Variants in BCL9L observed in about 807,000 individuals in gnomAD.
BCL9L encodes BCL9 like, also known as B-cell CLL/lymphoma 9-like protein.
BCL9L carries 19 observed loss-of-function variants against 99.4 expected under a neutral mutation model. That is an observed-to-expected ratio of 0.19 (90% CI 0.13 to 0.28). The LOEUF (loss-of-function observed/expected upper bound fraction) is 0.28, where lower values mean the gene tolerates loss of function less well. Among genes scored for constraint, BCL9L ranks in the 10% least tolerant of loss-of-function variants. The pLI is 1.00. For synonymous variants in BCL9L, 900 were observed against 854.8 expected (o/e 1.05, Z -0.92); for missense variants, 2,023 against 2,101.6 (o/e 0.96, Z 0.73).
chr11:118,899,358 G>A lies in BCL9L; in HGVS notation c.3557C>T (p.Pro1186Leu). 1 of 1,582,788 alleles carries A rather than the reference G, an allele frequency of 6.3e-7. No individual in the cohort carries two copies. The highest frequency in any genetic ancestry group is 8.6e-7 in the Non-Finnish European group (1 of 1,165,164). Residue 1186 changes from proline to leucine, a missense_variant, in exon 10 of 10, where the codon CCA becomes CTA. Physicochemically the swap from Pro to Leu is moderately conservative, Grantham distance 98. Around this residue, in one of 3 missense-constraint regions of BCL9L, gnomAD observed 902 missense variants for 888.2 expected, o/e 1.02. Coordinates refer to ENST00000683865, the MANE Select transcript of BCL9L (RefSeq NM_001378213.1). ...TGTCCCCTGTGCGTTGGGATGCAGT[G>A]GAATGTTGGAGCCCAGAGGGGTGGG... ...PSPTPLGSNI[P>L]LHPNAQGTGG...
At chr11:118,917,403 G>A (rs1480676406) in intron 2 of BCL9L, among the ~76,000 whole-genome samples, 1 of 152,204 alleles carries the variant, frequency 6.6e-6, no homozygotes, top group Admixed American at 6.5e-5. Flanking sequence ...AATCTGGTAA[G>A]AAAGTATTCT....
chr11:118,899,886 G>A (rs1290354743), intron 9 of BCL9L, 31 bp downstream of exon 9: 3 of 1,597,458 alleles, frequency 1.9e-6, no homozygotes, highest in Admixed American at 1.7e-5. Flanking sequence ...ACACCAGCTG[G>A]CCTCCCTGGG....
At position 118,896,205 on chromosome 11, in the gene BCL9L, A is replaced by G. The variant is rs1939912728; in HGVS notation, c.*2210T>C. On this transcript the variant is annotated 3_prime_UTR_variant, in exon 10 of 10. Coordinates refer to ENST00000683865, the MANE Select transcript of BCL9L (RefSeq NM_001378213.1). Reference sequence around the variant, plus strand: ...GGTCAATACAGTACAGGCAGCACAGAGACCCCCGGAACAAGCCTAAAAATT... The same window carrying G: ...GGTCAATACAGTACAGGCAGCACAGGGACCCCCGGAACAAGCCTAAAAATT... 1.2e-5 allele frequency: 2 copies of G among 166,968 alleles called. No individual in the cohort carries two copies. Among genetic ancestry groups the G allele is most frequent in the South Asian group, 4.1e-4 (2 of 4,838 alleles). The allele number at this position is 166,968 out of a possible 1,614,324, so 10.3% of individuals were successfully genotyped here.
chr11:118,902,214 T>C lies in BCL9L; in HGVS notation c.1529A>G (p.Gln510Arg), dbSNP rs1940281685. The C allele has an allele frequency of 6.2e-7, 1 of 1,613,652 alleles. No homozygotes were observed. Among genetic ancestry groups the C allele is most frequent in the African/African-American group, 1.3e-5 (1 of 74,950 alleles). Reference sequence around the variant, plus strand: ...CACCTGCTCAGGCGTGAGGCTGTCCTGGCCCAGCCTCTGTATCATCATGTT... The same window carrying C: ...CACCTGCTCAGGCGTGAGGCTGTCCCGGCCCAGCCTCTGTATCATCATGTT... ...QMNMMIQRLG[Q>R]DSLTPEQVAW... Residue 510 changes from glutamine (Q) to arginine (R), a missense_variant, in exon 8 of 10, where the codon CAG becomes CGG. By Grantham distance (43) the Gln-to-Arg change is conservative. This residue lies in a region of BCL9L where 1,116 missense variants were observed against 1,194.6 expected (regional missense o/e 0.93). Transcript: ENST00000683865. The surrounding 1 kb of genome is among the most constrained non-coding windows in gnomAD (Gnocchi z 7.8).
Position 118,903,889 on chromosome 11 carries a change from GCA to G in BCL9L, c.533-439_533-438del, listed in dbSNP as rs1437173039. On this transcript the variant is annotated intron_variant, in intron 5 of 9. Transcript: ENST00000683865. The surrounding 1 kb of genome is among the most constrained non-coding windows in gnomAD (Gnocchi z 5.6). ...CCCCTCTCACTGGGTAAGTGTATGT[GCA>G]CACAGTCTAGTGACCCAGTTAGGGA... 2.6e-5 allele frequency among the ~76,000 whole-genome samples: 4 copies of G among 152,182 alleles called. No homozygotes were observed. The highest frequency in any genetic ancestry group is 9.7e-5 in the African/African-American group (4 of 41,424).
chr11:118,920,878 C>A (rs985580743), intron 1 of BCL9L, among the ~76,000 whole-genome samples: 5 of 152,182 alleles, frequency 3.3e-5, no homozygotes, highest in Non-Finnish European at 7.3e-5. Flanking sequence ...CAGAGGACTG[C>A]ATGTCCCAGG....
At position 118,898,685 on chromosome 11, in the gene BCL9L, C is replaced by A. The variant is rs760136955; in HGVS notation, c.4230G>T (p.Gly1410=). 1.9e-6 allele frequency: 3 copies of A among 1,610,964 alleles called. No individual in the cohort carries two copies. The African/African-American group carries it at 4.0e-5, about 22-fold the overall frequency. The stretch of plus-strand genomic sequence containing the variant: ...CCTGGTGCAGGCCATGGGGCACCAT[C>A]CCCTGCTGTGGGGGCACGCCTGTCC... ...LGRTGVPPQQ[G]MVPHGLHQGV... Residue 1410 remains glycine, a synonymous_variant, in exon 10 of 10, where the codon GGG becomes GGT. Transcript: ENST00000683865.
chr11:118,899,908 TC>T lies in BCL9L; in HGVS notation c.3406+8del. 6.2e-7 allele frequency: 1 copy of T among 1,610,466 alleles called. No individual in the cohort carries two copies. Among genetic ancestry groups the T allele is most frequent in the Non-Finnish European group, 8.5e-7 (1 of 1,178,786 alleles). On this transcript the variant is annotated splice_region_variant and intron_variant, in intron 9 of 9. Coordinates refer to ENST00000683865, the MANE Select transcript of BCL9L (RefSeq NM_001378213.1). Reference sequence around the variant, plus strand: ...CTGGCCTCCCTGGGGCCCTGGCCTGTCCTCGCACCTGGCCCGGAGCCCTGCG... The same window carrying T: ...CTGGCCTCCCTGGGGCCCTGGCCTGTCTCGCACCTGGCCCGGAGCCCTGCG...
At chr11:118,908,051 TC>T (rs1940603201) in intron 4 of BCL9L, among the ~76,000 whole-genome samples, 2 of 152,120 alleles carry the variant, frequency 1.3e-5, no homozygotes, top group South Asian at 4.1e-4. Context: ...AGTCCAGAAG[TC>T]CGACCACTCT....
Position 118,899,390 on chromosome 11 carries a change from C to T in BCL9L, c.3525G>A (p.Leu1175=). ...TGGAGCCCAGAGGGGTGGGGGAGGG[C>T]AGCATGGCGGGCGGGGGCTCATGGG... ...PLSHEPPPAM[L]PSPTPLGSNI... is the part of the protein sequence containing the mutation. The change falls in exon 10 of 10, where the codon CTG becomes CTA. Residue 1175 remains leucine, a synonymous_variant. Coordinates refer to ENST00000683865, the MANE Select transcript of BCL9L (RefSeq NM_001378213.1). 1.3e-6 allele frequency: 2 copies of T among 1,585,364 alleles called. No homozygotes were observed. The highest frequency in any genetic ancestry group is 1.8e-5 in the Admixed American group (1 of 55,682).
chr11:118,911,216 C>T (rs1940783249), intron 2 of BCL9L: 2 of 455,856 alleles, frequency 4.4e-6, no homozygotes, highest in Non-Finnish European at 8.8e-6. Flanking sequence ...AGCAGCCCTC[C>T]AGCAGCCGAT....
chr11:118,899,453 G>A lies in BCL9L; in HGVS notation c.3462C>T (p.Ser1154=), dbSNP rs558585100. ...QMHLNSAAAQ[S]PMGMNLPGQQ... ...GGCCTGGCAGGTTCATGCCCATAGG[G>A]CTCTGGGCAGCGGCTGAGTTCAGGT... Residue 1154 remains serine (S), a synonymous_variant, in exon 10 of 10, where the codon AGC becomes AGT. Transcript: ENST00000683865. 76 of 1,606,464 alleles carry A rather than the reference G, an allele frequency of 4.7e-5. No homozygotes were observed. In the South Asian group the frequency reaches 7.8e-4, roughly 17 times the overall value.
At chr11:118,906,768 G>A (rs913873954) in intron 5 of BCL9L, among the ~76,000 whole-genome samples, 9 of 151,844 alleles carry the variant, frequency 5.9e-5, no homozygotes, top group Non-Finnish European at 1.0e-4. Context: ...GCAATTCTCC[G>A]GTTTCAGCTC....
chr11:118,924,454 C>G lies in BCL9L; in HGVS notation c.-131+784G>C, dbSNP rs79850788. 2.2e-3 allele frequency among the ~76,000 whole-genome samples: 328 copies of G among 151,968 alleles called. 1 individual carries two copies. The highest frequency in any genetic ancestry group is 7.6e-3 in the African/African-American group (313 of 41,396). On this transcript the variant is annotated intron_variant, in intron 1 of 9. Coordinates refer to ENST00000683865, the MANE Select transcript of BCL9L (RefSeq NM_001378213.1). ...AGTAGCTGATCCTAGCTTCATTGCT[C>G]CAGAGAGACACCCTCCAGACTCCTA...
At chr11:118,908,128 T>C (rs2137720444) in intron 4 of BCL9L, 142 bp downstream of exon 4, 2 of 1,232,760 alleles carry the variant, frequency 1.6e-6, no homozygotes, top group East Asian at 2.6e-5. Flanking sequence ...TGGTGGGTGT[T>C]GAAAGGTACC....
intron 9 of BCL9L, 110 bp downstream of exon 9, chr11:118,899,807 A>C: frequency 2.1e-6 from 3 of 1,417,654 alleles, no homozygotes; most frequent in Non-Finnish European, 2.8e-6. Flanking sequence ...CTCCACCCCC[A>C]CACCCAGGGC....
At chr11:118,905,746 G>A (rs1347963352) in intron 5 of BCL9L, among the ~76,000 whole-genome samples, 3 of 152,086 alleles carry the variant, frequency 2.0e-5, no homozygotes, top group Non-Finnish European at 4.4e-5. Context: ...GAACTCAGGA[G>A]GCAGAGGTTG....
chr11:118,911,386 A>AC, intron 2 of BCL9L: 2 of 423,436 alleles, frequency 4.7e-6, no homozygotes, highest in Admixed American at 5.0e-5. Context: ...CGGGAGTCTA[A>AC]CCCCAACTTA....
At position 118,902,764 on chromosome 11, in the gene BCL9L, G is replaced by A. The variant is rs1372744201; in HGVS notation, c.979C>T (p.Pro327Ser). The change falls in exon 8 of 10, where the codon CCT becomes TCT. Residue 327 changes from proline (P) to serine (S), a missense_variant. By Grantham distance (74) the Pro-to-Ser change is moderately conservative. This residue lies in a region of BCL9L where 1,116 missense variants were observed against 1,194.6 expected (regional missense o/e 0.93). Coordinates refer to ENST00000683865, the MANE Select transcript of BCL9L (RefSeq NM_001378213.1). The surrounding 1 kb of genome is among the most constrained non-coding windows in gnomAD (Gnocchi z 7.8). ...APPALPPEGP[P>S]EDSSQDLAPN... ...GCCAGGTCCTGACTGCTGTCCTCAG[G>A]AGGCCCCTCTGGGGGCAGAGCAGGC... The A allele has an allele frequency of 1.9e-6, 3 of 1,587,870 alleles. No homozygotes were observed. The highest frequency in any genetic ancestry group is 2.6e-6 in the Non-Finnish European group (3 of 1,174,362).
Sources: allele counts gnomAD v4.1 joint callset (sites outside exome capture counted in the v4.1 genomes callset), GRCh38; gene constraint gnomAD v4.1.1; regional missense constraint gnomAD v4.1.1; non-coding constraint Gnocchi (gnomAD v3.1); transcripts MANE v1.5; gene names NCBI Gene and HGNC (gene_info 2026-07-23, HGNC 2026-07-21).